TMEM260: variants seen among roughly 807,000 people sequenced by gnomAD.
The protein encoded by TMEM260 is transmembrane protein 260.
Under a neutral mutation model 88.9 loss-of-function variants are expected in TMEM260, and 82 were observed. The observed-to-expected ratio is 0.92, with a 90% CI of 0.77 to 1.11. The LOEUF (loss-of-function observed/expected upper bound fraction) is 1.11. Ranked by LOEUF, TMEM260 falls within the 50% of genes least tolerant of loss-of-function variation. TMEM260 has a pLI of 0.00. For missense variants in TMEM260, 902 were observed against 853.4 expected, an observed-to-expected ratio of 1.06 and a Z score of -0.71; for synonymous variants, 314 against 309.3, an observed-to-expected ratio of 1.02 and a Z score of -0.16.
chr14:56,634,794 A>T, intron 13 of TMEM260, 105 bp from the exon 14 acceptor site: 1 of 972,106 alleles, frequency 1.0e-6, no homozygotes, highest in Non-Finnish European at 1.6e-6. Flanking sequence ...GTGAGCCAAG[A>T]TCGCACCATT....
intron 1 of TMEM260, among the ~76,000 whole-genome samples, chr14:56,581,204 C>A (rs902009584): frequency 6.6e-6 from 1 of 152,178 alleles, no homozygotes; most frequent in African/African-American, 2.4e-5. Flanking sequence ...TATACCACTT[C>A]TGCATTTTAT....
chr14:56,593,872 A>G lies in TMEM260; in HGVS notation c.344+7960A>G, dbSNP rs1453356156. Among the ~76,000 whole-genome samples the G allele has an allele frequency of 5.3e-5, 8 of 150,442 alleles. No homozygotes were observed. The East Asian group carries it at 1.6e-3, about 29-fold the overall frequency. On this transcript the variant is annotated intron_variant, in intron 3 of 15. Transcript: ENST00000261556. Reference sequence around the variant, plus strand: ...CCGGCTAATTTTTTGTATTTTTAGTAGAGACGGGGTTTCACCTTGTTAGCC... The same window carrying G: ...CCGGCTAATTTTTTGTATTTTTAGTGGAGACGGGGTTTCACCTTGTTAGCC...
chr14:56,647,210 C>T, intron 15 of TMEM260, 33 bp from the exon 16 acceptor site: 1 of 1,528,702 alleles, frequency 6.5e-7, no homozygotes, highest in Non-Finnish European at 8.8e-7. Context: ...CAAAGAATAA[C>T]AATGGAATAC....
At chr14:56,631,748 T>C (rs117041026) in intron 12 of TMEM260, among the ~76,000 whole-genome samples, 3,112 of 152,312 alleles carry the variant, frequency 0.02, 74 homozygotes, top group East Asian at 0.11. Flanking sequence ...CTGTTTTGCC[T>C]CTTAGTGCAC....
rs560034202 is a variant in TMEM260, at chr14:56,648,799, C to A, written c.*1302C>A. On this transcript the variant is annotated 3_prime_UTR_variant, in exon 16 of 16. Coordinates refer to ENST00000261556, the MANE Select transcript of TMEM260 (RefSeq NM_017799.4). ...GGAGTGTCCTTTGTGATGTCATAAG[C>A]TGTTAAGGACCAGTGCCGAGGGCTT... 3 of 152,738 alleles carry A rather than the reference C, an allele frequency of 2.0e-5. No individual in the cohort carries two copies. The East Asian group carries it at 5.8e-4, about 29-fold the overall frequency. The allele number at this position is 152,738 out of a possible 1,614,324, so 9.5% of individuals were successfully genotyped here. A position where few individuals can be genotyped will look rare whatever the true frequency, so the allele number is the denominator to read the frequency against.
At chr14:56,631,391 G>A (rs1822797465) in intron 12 of TMEM260, among the ~76,000 whole-genome samples, 1 of 152,158 alleles carries the variant, frequency 6.6e-6, no homozygotes, top group South Asian at 2.1e-4. Context: ...GGGAGGCTGA[G>A]GCAGGTGGAT....
downstream of TMEM260, among the ~76,000 whole-genome samples, chr14:56,653,293 G>A (rs1340826069): frequency 3.3e-5 from 5 of 152,178 alleles, no homozygotes; most frequent in Admixed American, 3.3e-4. Flanking sequence ...CATTTAAAAT[G>A]TGTATGCACA....
chr14:56,605,651 C>G lies in TMEM260; in HGVS notation c.604C>G (p.Pro202Ala). ...AATACTCTATGTTTTGTGCATAATA[C>G]CTTGGATTCTCTTTCAACTTTTAAA... ...TIILYVLCII[P>A]WILFQLLKKK... is the part of the protein sequence containing the mutation. The change falls in exon 5 of 16, where the codon CCT becomes GCT. Residue 202 changes from proline (P) to alanine (A), a missense_variant. By Grantham distance (27) the Pro-to-Ala change is conservative. Transcript: ENST00000261556. 1 of 1,584,964 alleles carries G rather than the reference C, an allele frequency of 6.3e-7. No homozygotes were observed. Among genetic ancestry groups the G allele is most frequent in the Non-Finnish European group, 8.6e-7 (1 of 1,167,988 alleles).
intron 7 of TMEM260, chr14:56,612,690 T>C (rs1887355957): frequency 6.5e-6 from 1 of 153,516 alleles, no homozygotes; most frequent in Non-Finnish European, 1.4e-5. Flanking sequence ...CAGACAGTTT[T>C]TTCCCCAACT....
chr14:56,644,878 A>C (rs1162968417), intron 15 of TMEM260, among the ~76,000 whole-genome samples: 4 of 152,230 alleles, frequency 2.6e-5, no homozygotes, highest in African/African-American at 9.6e-5. Flanking sequence ...TGCAGCCAAA[A>C]AAACACATGA....
intron 3 of TMEM260, among the ~76,000 whole-genome samples, chr14:56,593,878 G>T (rs1369171938): frequency 1.3e-5 from 2 of 150,642 alleles, no homozygotes; most frequent in Non-Finnish European, 3.0e-5. Context: ...TAGTAGAGAC[G>T]GGGTTTCACC....
intron 3 of TMEM260, among the ~76,000 whole-genome samples, chr14:56,588,000 C>T (rs1164428444): frequency 6.6e-6 from 1 of 152,034 alleles, no homozygotes. Context: ...CAGCAGGACA[C>T]AGTTTTTGTA....
intron 1 of TMEM260, among the ~76,000 whole-genome samples, chr14:56,580,430 A>C (rs1885049991): frequency 1.3e-5 from 2 of 152,244 alleles, no homozygotes; most frequent in South Asian, 4.1e-4. Context: ...TTCAAACAAA[A>C]GAACAGTAGT....
At position 56,621,717 on chromosome 14, in the gene TMEM260, A is replaced by C; in HGVS notation, c.1398+15A>C. ...TGGATCAGGAAGTAAGTATATGAAA[A>C]ATATACTTAGAATATAGCGATGATT... On this transcript the variant is annotated intron_variant, in intron 11 of 15. Coordinates refer to ENST00000261556, the MANE Select transcript of TMEM260 (RefSeq NM_017799.4). 1.9e-6 allele frequency: 3 copies of C among 1,586,790 alleles called. No individual in the cohort carries two copies. The highest frequency in any genetic ancestry group is 2.6e-6 in the Non-Finnish European group (3 of 1,167,008).
At chr14:56,612,451 C>T in intron 7 of TMEM260, 166 bp downstream of exon 7, 1 of 634,072 alleles carries the variant, frequency 1.6e-6, no homozygotes, top group African/African-American at 1.8e-5. Context: ...CCCTCAGTAT[C>T]CATGGGGTAT....
downstream of TMEM260, among the ~76,000 whole-genome samples, chr14:56,654,623 A>C (rs1890266716): frequency 6.6e-6 from 1 of 151,976 alleles, no homozygotes; most frequent in Non-Finnish European, 1.5e-5. Context: ...GTTCGAGACC[A>C]GCCTGAGGTG....
At position 56,608,977 on chromosome 14, in the gene TMEM260, G is replaced by A. The variant is rs544918403; in HGVS notation, c.637-129G>A. 7.3e-6 allele frequency: 7 copies of A among 961,632 alleles called. No homozygotes were observed. In the South Asian group the frequency reaches 1.2e-4, roughly 16 times the overall value. 59.6% of individuals were successfully genotyped at this position (961,632 alleles called of 1,614,324 possible). A position where few individuals can be genotyped will look rare whatever the true frequency, so the allele number is the denominator to read the frequency against. ...AAGGTTTAACATAGTATTCTGTGGT[G>A]ACTTAATATAAATTGGGAGATCAGC... On this transcript the variant is annotated intron_variant, in intron 5 of 15. Transcript: ENST00000261556.
At chr14:56,593,677 C>CTTTTTTTTTTTTTTTTTTTTTTTTTTT (rs34268894) in intron 3 of TMEM260, among the ~76,000 whole-genome samples, 1 of 63,506 alleles carries the variant, frequency 1.6e-5, no homozygotes, top group African/African-American at 5.4e-5. Context: ...AGGTGAGTGT[C>CTTTTTTTTTTTTTTTTTTTTTTTTTTT]TTTTTTTTTT....
Position 56,579,995 on chromosome 14 carries a change from C to T in TMEM260, c.81C>T (p.Arg27=), listed in dbSNP as rs766480276. Residue 27 remains arginine, a synonymous_variant, in exon 1 of 16, where the codon CGC becomes CGT. Transcript: ENST00000261556. ...GGCTGCGGCGCTCCGGGGGCATCCG[C>T]GGCGGCGTGGCGGTGTTCGCCGCCG... ...RVGLRRSGGI[R]GGVAVFAAVA... The T allele has an allele frequency of 8.0e-6, 10 of 1,246,586 alleles. No individual in the cohort carries two copies. The Admixed American group carries it at 1.7e-4, about 21-fold the overall frequency. The allele number at this position is 1,246,586 out of a possible 1,614,324, so 77.2% of individuals were successfully genotyped here.
Sources: gnomAD v4.1 joint callset for allele counts (sites outside exome capture counted in the v4.1 genomes callset) on GRCh38, gnomAD v4.1.1 for gene constraint, MANE v1.5 for transcripts, NCBI Gene and HGNC (gene_info 2026-07-23, HGNC 2026-07-21) for gene names.